RAB40B: variants seen among roughly 807,000 people sequenced by gnomAD.
RAB40B encodes the protein ras-related protein Rab-40B.
Under a neutral mutation model 24.0 loss-of-function variants are expected in RAB40B, and 21 were observed. That is an observed-to-expected ratio of 0.88 (90% CI 0.62 to 1.26). The LOEUF (loss-of-function observed/expected upper bound fraction) is 1.26. Among genes scored for constraint, RAB40B ranks in the 50% most tolerant of loss-of-function variants. The probability of loss-of-function intolerance (pLI) is 0.00; values close to 1 mark genes in which losing one functional copy is unlikely to be tolerated. For synonymous variants in RAB40B, 167 were observed against 169.8 expected (o/e 0.98, Z 0.13); for missense variants, 348 against 390.5 (o/e 0.89, Z 0.92).
At position 82,658,702 on chromosome 17, in the gene RAB40B, T is replaced by G. The variant is rs1487388675; in HGVS notation, c.354A>C (p.Gly118=). 6.2e-7 allele frequency: 1 copy of G among 1,609,248 alleles called. No individual in the cohort carries two copies. Among genetic ancestry groups the G allele is most frequent in the Non-Finnish European group, 8.5e-7 (1 of 1,177,602 alleles). Residue 118 remains glycine (G), a synonymous_variant, in exon 5 of 6, where the codon GGA becomes GGC. Coordinates refer to ENST00000571995, the MANE Select transcript of RAB40B (RefSeq NM_006822.3). ...WIKEIDEHAP[G]VPKILVGNRL... ...GGTTCCCCACCAGGATCTTGGGGAC[T>G]CCGGGGGCATGCTAGCGGGCAGGAG... is the stretch of plus-strand genomic sequence containing the variant.
chr17:82,657,917 G>GGGGGGGC lies in RAB40B; in HGVS notation c.782_783insGCCCCCC (p.Gln264ProfsTer102). 2 of 1,026,116 alleles carry GGGGGGGC rather than the reference G, an allele frequency of 1.9e-6. No homozygotes were observed. Among genetic ancestry groups the GGGGGGGC allele is most frequent in the Non-Finnish European group, 2.9e-6 (2 of 685,636 alleles). The allele number at this position is 1,026,116 out of a possible 1,614,324, so 63.6% of individuals were successfully genotyped here. ...AGTTTTTGGGGGGGCTCTGGGGGGG[G>GGGGGGGC]CGGACGAGCTTCACTTTGCGGAGGC... On this transcript the variant is annotated frameshift_variant, in exon 6 of 6. Transcript: ENST00000571995. LOFTEE classifies it low-confidence loss of function (END_TRUNC).
intron 2 of RAB40B, 159 bp from the exon 3 acceptor site, chr17:82,661,206 A>T: frequency 7.1e-7 from 1 of 1,414,560 alleles, no homozygotes; most frequent in Non-Finnish European, 9.2e-7. Flanking sequence ...AATGTCCCTG[A>T]AGGGATCCGG....
intron 1 of RAB40B, among the ~76,000 whole-genome samples, chr17:82,674,104 G>A (rs1347044774): frequency 6.6e-6 from 1 of 152,224 alleles, no homozygotes; most frequent in Non-Finnish European, 1.5e-5. Flanking sequence ...ACTTTGGGAG[G>A]CCGAGGCGGG....
chr17:82,668,124 C>G (rs904278202), intron 1 of RAB40B: 3 of 154,282 alleles, frequency 1.9e-5, no homozygotes, highest in African/African-American at 7.2e-5. Flanking sequence ...TGGCTTCTCT[C>G]TGCAGGCAGG....
At position 82,667,724 on chromosome 17, in the gene RAB40B, T is replaced by C. The variant is rs1598300715; in HGVS notation, c.143-3168A>G. 2.0e-5 allele frequency among the ~76,000 whole-genome samples: 3 copies of C among 151,268 alleles called. No homozygotes were observed. The highest frequency in any genetic ancestry group is 2.0e-4 in the Admixed American group (3 of 15,198). On this transcript the variant is annotated intron_variant, in intron 1 of 5. Transcript: ENST00000571995. The surrounding 1 kb of genome is among the most constrained non-coding windows in gnomAD (Gnocchi z 4.3). ...GCAAACTCCCCCCGTCAGAGGAGAG[T>C]GATTCAGAGGACAAAAGATACAGCA... is the stretch of plus-strand genomic sequence containing the variant.
intron 1 of RAB40B, among the ~76,000 whole-genome samples, chr17:82,677,477 T>TC (rs1568039615): frequency 6.6e-6 from 1 of 152,140 alleles, no homozygotes; most frequent in African/African-American, 2.4e-5. Context: ...AGCGGCCAGC[T>TC]CAACACACTC....
chr17:82,662,944 C>T (rs1211702563), intron 2 of RAB40B, among the ~76,000 whole-genome samples: 1 of 151,518 alleles, frequency 6.6e-6, no homozygotes, highest in African/African-American at 2.4e-5. Flanking sequence ...TTTGGGTGGC[C>T]TTGGCCCCTC....
intron 1 of RAB40B, among the ~76,000 whole-genome samples, chr17:82,688,835 G>A (rs1192902435): frequency 6.6e-6 from 1 of 152,174 alleles, no homozygotes; most frequent in African/African-American, 2.4e-5. Context: ...TCAGGACACT[G>A]AGGCAGGAAA....
intron 2 of RAB40B, among the ~76,000 whole-genome samples, chr17:82,664,164 C>A: frequency 7.5e-6 from 1 of 134,018 alleles, no homozygotes; most frequent in Non-Finnish European, 1.5e-5. Context: ...GAGGGTGTTC[C>A]CCGGGGGCGC....
chr17:82,687,543 C>A (rs185123175), intron 1 of RAB40B, among the ~76,000 whole-genome samples: 1 of 152,270 alleles, frequency 6.6e-6, no homozygotes, highest in African/African-American at 2.4e-5. Context: ...ACGTAACCCA[C>A]ATAAAGTAAA....
In RAB40B at chr17:82,657,667, A is replaced by G. The variant is rs1189714831; in HGVS notation, c.*196T>C. 1.4e-6 allele frequency: 1 copy of G among 728,068 alleles called. No homozygotes were observed. Among genetic ancestry groups the G allele is most frequent in the Non-Finnish European group, 2.5e-6 (1 of 402,152 alleles). 45.1% of individuals were successfully genotyped at this position (728,068 alleles called of 1,614,324 possible). A position where few individuals can be genotyped will look rare whatever the true frequency, so the allele number is the denominator to read the frequency against. On this transcript the variant is annotated 3_prime_UTR_variant, in exon 6 of 6. Coordinates refer to ENST00000571995, the MANE Select transcript of RAB40B (RefSeq NM_006822.3). Reference sequence around the variant, plus strand: ...CCCTTTACAAACACACATCGAAAACAAGAGCTTCATGCACATCCACGTAGA... The same window carrying G: ...CCCTTTACAAACACACATCGAAAACGAGAGCTTCATGCACATCCACGTAGA...
At chr17:82,660,862 C>G in intron 3 of RAB40B, 125 bp downstream of exon 3, 1 of 1,240,788 alleles carries the variant, frequency 8.1e-7, no homozygotes, top group Non-Finnish European at 1.1e-6. Context: ...ACTCTCAGCA[C>G]CAATTTATAC....
chr17:82,681,802 A>C (rs1289281588), intron 1 of RAB40B, among the ~76,000 whole-genome samples: 1 of 152,210 alleles, frequency 6.6e-6, no homozygotes, highest in Non-Finnish European at 1.5e-5. Flanking sequence ...TCAGTGAGGC[A>C]GCATTTGACA....
At chr17:82,679,493 G>C (rs1335706729) in intron 1 of RAB40B, among the ~76,000 whole-genome samples, 2 of 151,918 alleles carry the variant, frequency 1.3e-5, no homozygotes, top group Admixed American at 6.6e-5. Flanking sequence ...GTGTTAGCCA[G>C]GATGGTCTCG....
rs61247912 is a variant in RAB40B at position 82,664,410 on chromosome 17, G to A, written c.203+86C>T. The stretch of plus-strand genomic sequence containing the variant: ...GGTGGTGGGGGATGGGTGCTCCCCG[G>A]GGCACTGTGCTGACAGGGGGTGCTA... On this transcript the variant is annotated intron_variant, in intron 2 of 5. Coordinates refer to ENST00000571995, the MANE Select transcript of RAB40B (RefSeq NM_006822.3). The A allele has an allele frequency of 8.4e-3, 11,369 of 1,361,240 alleles. 808 individuals carry two copies. In the African/African-American group the frequency reaches 0.14, roughly 17 times the overall value. The allele number at this position is 1,361,240 out of a possible 1,614,324, so 84.3% of individuals were successfully genotyped here. A position where few individuals can be genotyped will look rare whatever the true frequency, so the allele number is the denominator to read the frequency against.
intron 4 of RAB40B, chr17:82,658,973 C>T (rs537431368): frequency 1.9e-5 from 9 of 467,798 alleles, no homozygotes; most frequent in South Asian, 3.1e-5. Context: ...CCATGTTACG[C>T]GAAGGCAGAG....
intron 1 of RAB40B, among the ~76,000 whole-genome samples, chr17:82,698,198 G>T (rs939214745): frequency 6.6e-6 from 1 of 151,868 alleles, no homozygotes; most frequent in Non-Finnish European, 1.5e-5. Flanking sequence ...GAGTGGAACT[G>T]GGGGTGCAAC....
chr17:82,686,332 G>A (rs548438135), intron 1 of RAB40B, among the ~76,000 whole-genome samples: 7 of 151,538 alleles, frequency 4.6e-5, no homozygotes, highest in African/African-American at 1.5e-4. Flanking sequence ...GGCTGGTCTC[G>A]AACTCCTGAC....
At chr17:82,684,731 C>A (rs1456835916) in intron 1 of RAB40B, among the ~76,000 whole-genome samples, 1 of 152,096 alleles carries the variant, frequency 6.6e-6, no homozygotes, top group Admixed American at 6.5e-5. Flanking sequence ...TGGGGAGGGG[C>A]TGCCTACAAA....
Sources: allele counts gnomAD v4.1 joint callset (sites outside exome capture counted in the v4.1 genomes callset), GRCh38; gene constraint gnomAD v4.1.1; non-coding constraint Gnocchi (gnomAD v3.1); transcripts MANE v1.5; gene names NCBI Gene and HGNC (gene_info 2026-07-23, HGNC 2026-07-21).